DMTF1: variants seen among roughly 807,000 people sequenced by gnomAD.
DMTF1 encodes the protein cyclin D binding myb like transcription factor 1, also known as cyclin-D-binding Myb-like transcription factor 1.
A neutral mutation model predicts 91.1 loss-of-function variants in DMTF1; 39 were observed. The observed-to-expected ratio is 0.43, with a 90% CI of 0.33 to 0.56. The LOEUF is 0.56. Ranked by LOEUF, DMTF1 falls within the 20% of genes least tolerant of loss-of-function variation. DMTF1 has a pLI of 0.05. For synonymous variants in DMTF1, 338 were observed against 309.5 expected (o/e 1.09, Z -0.97); for missense variants, 750 against 914.5 (o/e 0.82, Z 2.32).
chr7:87,169,195 A>G (rs955935887), intron 4 of DMTF1, among the ~76,000 whole-genome samples: 1 of 152,202 alleles, frequency 6.6e-6, no homozygotes, highest in African/African-American at 2.4e-5. Context: ...ATGGTGGCTC[A>G]TGCCTATAAT....
intron 8 of DMTF1, chr7:87,181,105 C>T: frequency 3.5e-6 from 1 of 288,272 alleles, no homozygotes; most frequent in Non-Finnish European, 6.7e-6. Flanking sequence ...CTGCCTTGGC[C>T]TCCCAAAGTG....
Position 87,166,385 on chromosome 7 carries a change from A to G in DMTF1, c.110-98A>G, listed in dbSNP as rs1307014667. Reference sequence around the variant, plus strand: ...AGTTAAATGAGCAAATTGGTAAGAAAATTTTTTTAATAGATAAGAAAATTG... The same window carrying G: ...AGTTAAATGAGCAAATTGGTAAGAAGATTTTTTTAATAGATAAGAAAATTG... On this transcript the variant is annotated intron_variant, in intron 3 of 17. Coordinates refer to ENST00000331242, the MANE Select transcript of DMTF1 (RefSeq NM_001142327.2). The G allele has an allele frequency of 3.1e-6, 4 of 1,309,750 alleles. No homozygotes were observed. In the African/African-American group the frequency reaches 6.0e-5, roughly 20 times the overall value. The allele number at this position is 1,309,750 out of a possible 1,614,324, so 81.1% of individuals were successfully genotyped here.
chr7:87,180,191 T>G (rs1262869011), intron 8 of DMTF1, among the ~76,000 whole-genome samples: 1 of 152,198 alleles, frequency 6.6e-6, no homozygotes, highest in Admixed American at 6.6e-5. Flanking sequence ...AATGATTATA[T>G]ACTGTTACTG....
intron 9 of DMTF1, chr7:87,181,875 T>A: frequency 2.1e-6 from 1 of 484,650 alleles, no homozygotes; most frequent in East Asian, 5.5e-5. Flanking sequence ...TGTGAAACTT[T>A]AGATGTCTAA....
chr7:87,182,096 T>G, intron 9 of DMTF1, 132 bp from the exon 10 acceptor site: 1 of 1,545,236 alleles, frequency 6.5e-7, no homozygotes, highest in South Asian at 1.2e-5. Context: ...TTTCAAACTT[T>G]GGCTCTCAAA....
chr7:87,171,095 G>A lies in DMTF1; in HGVS notation c.327+6G>A, dbSNP rs1794963280. ...GGACTGTGACACAGATACAGGTATA[G>A]TAAATCTTTTAACTGGCCTCAGGAG... On this transcript the variant is annotated splice_donor_region_variant and intron_variant, in intron 5 of 17. Transcript: ENST00000331242. 2 of 1,578,224 alleles carry A rather than the reference G, an allele frequency of 1.3e-6. No individual in the cohort carries two copies. The highest frequency in any genetic ancestry group is 1.7e-6 in the Non-Finnish European group (2 of 1,152,484).
chr7:87,192,227 T>C (rs1800000225), intron 14 of DMTF1, among the ~76,000 whole-genome samples: 1 of 152,106 alleles, frequency 6.6e-6, no homozygotes, highest in African/African-American at 2.4e-5. Flanking sequence ...CAAAAAATTG[T>C]GAAAATTAAA....
rs1367906856 is a variant in DMTF1, at chr7:87,185,986, G to GT, written c.1201+7dup. On this transcript the variant is annotated splice_region_variant and intron_variant, in intron 12 of 17. Transcript: ENST00000331242. ...TAAGGATGTTTCGTTCCCTGGTAATGTATTACTTACTTTTTAAGCTCCTCC... is the reference window on the plus strand; with the variant it reads ...TAAGGATGTTTCGTTCCCTGGTAATGTTATTACTTACTTTTTAAGCTCCTCC... 2.5e-6 allele frequency: 4 copies of GT among 1,613,372 alleles called. No homozygotes were observed. Among genetic ancestry groups the GT allele is most frequent in the Non-Finnish European group, 3.4e-6 (4 of 1,179,672 alleles).
chr7:87,174,765 T>G, intron 7 of DMTF1, 96 bp downstream of exon 7: 1 of 692,082 alleles, frequency 1.4e-6, no homozygotes. Context: ...TAGGAGCTTT[T>G]TACTTATTTT....
In DMTF1 at chr7:87,171,071, G is replaced by T. The variant is rs1427222659; in HGVS notation, c.309G>T (p.Gly103=). ...TAGCAGATGATGAGGTTACTGAGGG[G>T]ACTGTGACACAGATACAGGTATAGT... ...TEVADDEVTE[G]TVTQIQILQN... The change falls in exon 5 of 18, where the codon GGG becomes GGT. Residue 103 remains glycine (G), a synonymous_variant. Transcript: ENST00000331242. The T allele has an allele frequency of 6.2e-7, 1 of 1,608,628 alleles. No individual in the cohort carries two copies. The highest frequency in any genetic ancestry group is 1.1e-5 in the South Asian group (1 of 90,898).
At chr7:87,164,432 T>C (rs1793320672) in intron 2 of DMTF1, 1 of 152,264 alleles carries the variant, frequency 6.6e-6, no homozygotes, top group Non-Finnish European at 1.5e-5. Context: ...GTATGCACTT[T>C]TTCAATATTT....
At chr7:87,154,638 A>G (rs1310021531) in intron 1 of DMTF1, 2 of 152,710 alleles carry the variant, frequency 1.3e-5, no homozygotes, top group East Asian at 3.9e-4. Context: ...TTTTAGAAGT[A>G]TTTTGAGGGG....
At chr7:87,167,625 T>A (rs1285793870) in intron 4 of DMTF1, among the ~76,000 whole-genome samples, 4 of 152,228 alleles carry the variant, frequency 2.6e-5, no homozygotes, top group African/African-American at 9.6e-5. Context: ...GAATTTAGAG[T>A]TAATTGCTTG....
At chr7:87,181,877 G>C (rs1797448918) in intron 9 of DMTF1, 1 of 488,352 alleles carries the variant, frequency 2.0e-6, no homozygotes, top group Non-Finnish European at 3.5e-6. Context: ...TGAAACTTTA[G>C]ATGTCTAAAG....
intron 7 of DMTF1, among the ~76,000 whole-genome samples, chr7:87,175,145 T>C (rs542879433): frequency 6.6e-6 from 1 of 151,702 alleles, no homozygotes; most frequent in African/African-American, 2.4e-5. Flanking sequence ...CTCAGCCTCC[T>C]GAGTAGCTGG....
rs1190840451 is a variant in DMTF1, at chr7:87,193,706, GTTCT to G, written c.1651-16_1651-13del. 6.4e-7 allele frequency: 1 copy of G among 1,565,506 alleles called. No individual in the cohort carries two copies. The highest frequency in any genetic ancestry group is 8.6e-7 in the Non-Finnish European group (1 of 1,156,944). On this transcript the variant is annotated splice_polypyrimidine_tract_variant and intron_variant, in intron 15 of 17. Coordinates refer to ENST00000331242, the MANE Select transcript of DMTF1 (RefSeq NM_001142327.2). ...GTCATTTGATTTACAACTTTAACAG[GTTCT>G]TTAATGTTTTATAGCCAGAACATTT...
At position 87,181,315 on chromosome 7, in the gene DMTF1, A is replaced by G. The variant is rs1797336692; in HGVS notation, c.684A>G (p.Thr228=). The change falls in exon 9 of 18, where the codon ACA becomes ACG. Residue 228 remains threonine, a synonymous_variant. Transcript: ENST00000331242. The part of the protein sequence containing the change: ...YDDRNHVGKY[T]PEEIEKLKEL... ...AATTTCTCTGAATTTCTAGATATACACCTGAAGAAATTGAGAAGCTCAAGG... is the reference window on the plus strand; with the variant it reads ...AATTTCTCTGAATTTCTAGATATACGCCTGAAGAAATTGAGAAGCTCAAGG... 1.6e-6 allele frequency: 2 copies of G among 1,284,566 alleles called. No homozygotes were observed. The highest frequency in any genetic ancestry group is 2.2e-6 in the Non-Finnish European group (2 of 905,660). 79.6% of individuals were successfully genotyped at this position (1,284,566 alleles called of 1,614,324 possible).
chr7:87,158,195 C>T (rs1001239459), intron 1 of DMTF1, among the ~76,000 whole-genome samples: 10 of 151,968 alleles, frequency 6.6e-5, no homozygotes, highest in Admixed American at 5.2e-4. Context: ...TGACTTATCC[C>T]AAGTCCTTAT....
At position 87,193,725 on chromosome 7, in the gene DMTF1, C is replaced by A. The variant is rs763496291; in HGVS notation, c.1651C>A (p.Pro551Thr). Residue 551 changes from proline (P) to threonine (T), a missense_variant and splice_region_variant, in exon 16 of 18, where the codon CCA (proline) becomes ACA (threonine). By Grantham distance (38) the Pro-to-Thr change is conservative. Transcript: ENST00000331242. Reference sequence around the variant, plus strand: ...TAACAGGTTCTTTAATGTTTTATAGCCAGAACATTTGTTGAACACAAGTGA... The same window carrying A: ...TAACAGGTTCTTTAATGTTTTATAGACAGAACATTTGTTGAACACAAGTGA... ...PEQIIVHALSPEHLLNTSDNV... is the reference protein window; with the variant it reads ...PEQIIVHALSTEHLLNTSDNV... 1.3e-6 allele frequency: 2 copies of A among 1,589,702 alleles called. No individual in the cohort carries two copies. The highest frequency in any genetic ancestry group is 1.4e-5 in the African/African-American group (1 of 73,972).
Sources: gnomAD v4.1 joint callset for allele counts (sites outside exome capture counted in the v4.1 genomes callset) on GRCh38, gnomAD v4.1.1 for gene constraint, MANE v1.5 for transcripts, NCBI Gene and HGNC (gene_info 2026-07-23, HGNC 2026-07-21) for gene names.